C12orf42: variants seen among roughly 807,000 people sequenced by gnomAD.
C12orf42 encodes the protein chromosome 12 open reading frame 42.
In C12orf42, 25 loss-of-function variants were observed where a neutral mutation model predicts 21.6. That is an observed-to-expected ratio of 1.16 (90% CI 0.84 to 1.62). The LOEUF is 1.62. C12orf42 is among the 40% of genes most tolerant of loss of function. The probability of loss-of-function intolerance (pLI) is 0.00; values close to 1 mark genes in which losing one functional copy is unlikely to be tolerated. For synonymous variants in C12orf42, 174 were observed against 175.0 expected (o/e 0.99, Z 0.05); for missense variants, 483 against 459.3 (o/e 1.05, Z -0.47).
chr12:103,432,151 C>T (rs1342565581), intron 2 of C12orf42, among the ~76,000 whole-genome samples: 1 of 152,146 alleles, frequency 6.6e-6, no homozygotes, highest in African/African-American at 2.4e-5. Flanking sequence ...TTGAGGCATT[C>T]TTCCCTTACC....
chr12:103,099,806 A>G, the C12orf42 span, among the ~76,000 whole-genome samples: 1 of 152,210 alleles, frequency 6.6e-6, no homozygotes, highest in Non-Finnish European at 1.5e-5. Flanking sequence ...ATAGATTAGA[A>G]AGTTTGCATG....
downstream of C12orf42, among the ~76,000 whole-genome samples, chr12:103,235,486 G>C (rs962891584): frequency 3.9e-5 from 6 of 152,066 alleles, no homozygotes; most frequent in African/African-American, 1.4e-4. Flanking sequence ...ATCGGTCATG[G>C]TATACAATTA....
upstream of C12orf42, among the ~76,000 whole-genome samples, chr12:103,499,953 G>A (rs1955678383): frequency 6.6e-6 from 1 of 152,138 alleles, no homozygotes; most frequent in Admixed American, 6.5e-5. Flanking sequence ...ATAGTGAAAT[G>A]GAAAATAAAG....
At chr12:103,153,981 T>C in the C12orf42 span, among the ~76,000 whole-genome samples, 1 of 105,682 alleles carries the variant, frequency 9.5e-6, no homozygotes, top group Non-Finnish European at 1.8e-5. Context: ...TGTAGTAAGA[T>C]GGAACAATCT....
rs536870869 is a variant in C12orf42 at position 103,363,082 on chromosome 12, T to C, written c.259+5805A>G. Among the ~76,000 whole-genome samples, 5 of 152,074 alleles carry C rather than the reference T, an allele frequency of 3.3e-5. No homozygotes were observed. In the South Asian group the frequency reaches 1.0e-3, roughly 32 times the overall value. On this transcript the variant is annotated intron_variant, in intron 4 of 5. Coordinates refer to ENST00000548883, the MANE Select transcript of C12orf42 (RefSeq NM_198521.5). ...AAAGTCAAGATAAAGGAAAGAATCA[T>C]AAGAGCCATGAGGCAAAAGCACCAG...
the C12orf42 span, among the ~76,000 whole-genome samples, chr12:103,053,099 A>G: frequency 2.5e-3 from 381 of 152,144 alleles, 1 homozygote; most frequent in African/African-American, 8.8e-3. Context: ...ATGTTATTCT[A>G]CAAGATTATC....
intron 4 of C12orf42, among the ~76,000 whole-genome samples, chr12:103,294,950 G>A (rs1330966621): frequency 6.6e-6 from 1 of 152,084 alleles, no homozygotes; most frequent in African/African-American, 2.4e-5. Flanking sequence ...GCCCCAGTGT[G>A]TGTTGTTTCC....
the C12orf42 span, among the ~76,000 whole-genome samples, chr12:103,563,394 C>A: frequency 6.6e-6 from 1 of 152,140 alleles, no homozygotes; most frequent in Non-Finnish European, 1.5e-5. Flanking sequence ...ATAAACAAGC[C>A]TAGCATTTAA....
rs865905547 is a variant in C12orf42 at position 103,478,466 on chromosome 12, G to T, written c.-21-19C>A. On this transcript the variant is annotated intron_variant, in intron 1 of 5. Coordinates refer to ENST00000548883, the MANE Select transcript of C12orf42 (RefSeq NM_198521.5). ...CAACTCCCTATAAACAAAGAATGGA[G>T]AAAGAAGAGCAGGTTTACAATGATG... The T allele has an allele frequency of 5.5e-6, 7 of 1,265,908 alleles. 1 individual carries two copies. In the African/African-American group the frequency reaches 8.9e-5, roughly 16 times the overall value. The allele number at this position is 1,265,908 out of a possible 1,614,324, so 78.4% of individuals were successfully genotyped here.
At chr12:103,510,089 A>T in the C12orf42 span, among the ~76,000 whole-genome samples, 2 of 152,220 alleles carry the variant, frequency 1.3e-5, no homozygotes, top group Non-Finnish European at 2.9e-5. Flanking sequence ...CAATTGCAAA[A>T]ATGTGGAGCC....
the C12orf42 span, chr12:103,558,316 C>T: frequency 6.6e-6 from 1 of 152,176 alleles, no homozygotes; most frequent in Non-Finnish European, 1.5e-5. Flanking sequence ...GAATGAAATC[C>T]CAAGTCCTTC....
chr12:103,379,337 T>C (rs1459785466), intron 3 of C12orf42, among the ~76,000 whole-genome samples: 1 of 152,210 alleles, frequency 6.6e-6, no homozygotes, highest in African/African-American at 2.4e-5. Context: ...CACATTATTC[T>C]ATGCTGCAAA....
At chr12:103,419,680 C>T (rs2049693277) in intron 2 of C12orf42, among the ~76,000 whole-genome samples, 2 of 152,192 alleles carry the variant, frequency 1.3e-5, no homozygotes, top group African/African-American at 4.8e-5. Context: ...TTTGTGTCCA[C>T]TCCTTCAACT....
chr12:103,239,385 T>C (rs1316110745), intron 10 of C12orf42, among the ~76,000 whole-genome samples: 1 of 152,178 alleles, frequency 6.6e-6, no homozygotes, highest in African/African-American at 2.4e-5. Context: ...ATGTCTCACC[T>C]GTCTTCTCTC....
chr12:103,058,154 A>G, the C12orf42 span, among the ~76,000 whole-genome samples: 1 of 151,848 alleles, frequency 6.6e-6, no homozygotes, highest in Non-Finnish European at 1.5e-5. Flanking sequence ...ATGGGGTGTC[A>G]CCATGTTGGC....
rs146823268 is a variant in C12orf42, at chr12:103,430,657, T to C, written c.79-28982A>G. ...TAAATCGTTCTACTATAAAGACACA[T>C]GCACACATATGTTTATTGCAGCACT... On this transcript the variant is annotated intron_variant, in intron 2 of 5. Coordinates refer to ENST00000548883, the MANE Select transcript of C12orf42 (RefSeq NM_198521.5). Among the ~76,000 whole-genome samples, 1,352 of 152,288 alleles carry C rather than the reference T, an allele frequency of 8.9e-3. 10 individuals are homozygous for C. The highest frequency in any genetic ancestry group is 0.014 in the Non-Finnish European group (982 of 68,016).
the C12orf42 span, among the ~76,000 whole-genome samples, chr12:103,152,271 G>A: frequency 1.3e-5 from 2 of 152,136 alleles, no homozygotes; most frequent in Non-Finnish European, 2.9e-5. Flanking sequence ...CAGATGTATG[G>A]CATAGAAAAG....
rs148290272 is a variant in C12orf42 at position 103,320,509 on chromosome 12, C to T, written c.260-14164G>A. Among the ~76,000 whole-genome samples the T allele has an allele frequency of 2.6e-3, 395 of 152,232 alleles. 3 individuals carry two copies. Among genetic ancestry groups the T allele is most frequent in the African/African-American group, 8.6e-3 (359 of 41,552 alleles). On this transcript the variant is annotated intron_variant, in intron 4 of 5. Coordinates refer to ENST00000548883, the MANE Select transcript of C12orf42 (RefSeq NM_198521.5). Reference sequence around the variant, plus strand: ...CTCAAAGGCCTGAGTTTACTGACAACGCCACATTTGGTTAAATGTTATGCA... The same window carrying T: ...CTCAAAGGCCTGAGTTTACTGACAATGCCACATTTGGTTAAATGTTATGCA...
chr12:103,098,459 A>T, the C12orf42 span, among the ~76,000 whole-genome samples: 37 of 152,314 alleles, frequency 2.4e-4, no homozygotes, highest in South Asian at 1.7e-3. Flanking sequence ...ACTATTTTTT[A>T]AAAAAATAAA....
Sources: allele counts gnomAD v4.1 joint callset (sites outside exome capture counted in the v4.1 genomes callset), GRCh38; gene constraint gnomAD v4.1.1; transcripts MANE v1.5; gene names NCBI Gene and HGNC (gene_info 2026-07-23, HGNC 2026-07-21).